Variants in TACC2 observed in about 807,000 individuals in gnomAD.
The protein encoded by TACC2 is transforming acidic coiled-coil-containing protein 2.
In TACC2, 137 loss-of-function variants were observed where a neutral mutation model predicts 227.3. The ratio of observed to expected loss-of-function variants is 0.60; its 90% CI spans 0.52 to 0.69. TACC2 has a LOEUF of 0.69. Among genes scored for constraint, TACC2 ranks in the 30% least tolerant of loss-of-function variants. The pLI is 0.00. For missense variants in TACC2, 3,470 were observed against 3,694.4 expected (o/e 0.94, Z 1.57); for synonymous variants, 1,523 against 1,487.5 (o/e 1.02, Z -0.55).
At chr10:122,212,323 G>C (rs2095311818) in intron 9 of TACC2, among the ~76,000 whole-genome samples, 1 of 152,204 alleles carries the variant, frequency 6.6e-6, no homozygotes, top group African/African-American at 2.4e-5. Context: ...GTTCTGAAGA[G>C]ATAAATGGAA....
In TACC2 at chr10:122,254,069, TGTTTTGGAC is replaced by T; in HGVS notation, c.*14_*22del. 6.2e-7 allele frequency: 1 copy of T among 1,613,172 alleles called. No homozygotes were observed. Among genetic ancestry groups the T allele is most frequent in the Non-Finnish European group, 8.5e-7 (1 of 1,179,048 alleles). ...GGGGAAAAGCTAACTCTGAACCGAA[TGTTTTGGAC>T]TTAACTGTTGCGTGCAATATGACCG... On this transcript the variant is annotated 3_prime_UTR_variant, in exon 23 of 23. Coordinates refer to ENST00000369005, the MANE Select transcript of TACC2 (RefSeq NM_206862.4).
rs763754108 is a variant in TACC2 at position 122,248,663 on chromosome 10, T to G, written c.8413T>G (p.Ser2805Ala). The G allele has an allele frequency of 1.2e-5, 19 of 1,613,322 alleles. No homozygotes were observed. In the South Asian group the frequency reaches 2.1e-4, roughly 18 times the overall value. Residue 2805 changes from serine (S) to alanine (A), a missense_variant, in exon 20 of 23, where the codon TCA becomes GCA. By Grantham distance (99) the Ser-to-Ala change is moderately conservative. Around this residue, in one of 10 missense-constraint regions of TACC2, gnomAD observed 65 missense variants for 119.3 expected, o/e 0.54. Transcript: ENST00000369005. ...GCCAGAGGACGAACAGAGAGAGAAG[T>G]CAGTCTCCCACCAGACGGTGCAGCA... ...QMIEDEQREK[S>A]VSHQTVQQLV...
At chr10:122,167,659 A>G (rs2093250135) in intron 7 of TACC2, among the ~76,000 whole-genome samples, 1 of 152,172 alleles carries the variant, frequency 6.6e-6, no homozygotes, top group African/African-American at 2.4e-5. Context: ...TGGGAGCTGT[A>G]GAGAAAATCC....
intron 2 of TACC2, among the ~76,000 whole-genome samples, chr10:122,034,619 G>GTATAGGGTT (rs1338621072): frequency 1.3e-5 from 2 of 152,158 alleles, no homozygotes; most frequent in Non-Finnish European, 2.9e-5. Flanking sequence ...GCCTTATACT[G>GTATAGGGTT]CAAGATGGCT....
intron 18 of TACC2, among the ~76,000 whole-genome samples, chr10:122,240,708 A>C (rs2095972482): frequency 6.6e-6 from 1 of 152,168 alleles, no homozygotes; most frequent in African/African-American, 2.4e-5. Context: ...CTGGATCTTC[A>C]ACAGTTATCC....
chr10:122,201,581 C>G (rs1268908411), intron 8 of TACC2, among the ~76,000 whole-genome samples: 1 of 152,242 alleles, frequency 6.6e-6, no homozygotes, highest in African/African-American at 2.4e-5. Context: ...TGGCAGGGCC[C>G]CAACCCTCTG....
At position 122,088,521 on chromosome 10, in the gene TACC2, A is replaced by G; in HGVS notation, c.5503A>G (p.Lys1835Glu). ...PGPSMLPSVP[K>E]KDAPRVMDKV... Reference sequence around the variant, plus strand: ...CCCATCCATGTTACCTTCGGTTCCTAAGAAGGATGCTCCAAGAGTCATGGA... The same window carrying G: ...CCCATCCATGTTACCTTCGGTTCCTGAGAAGGATGCTCCAAGAGTCATGGA... Residue 1835 changes from lysine to glutamate, a missense_variant, in exon 5 of 23, where the codon AAG becomes GAG. By Grantham distance (56) the Lys-to-Glu change is moderately conservative. Coordinates refer to ENST00000369005, the MANE Select transcript of TACC2 (RefSeq NM_206862.4). 6.2e-7 allele frequency: 1 copy of G among 1,613,836 alleles called. No individual in the cohort carries two copies. The highest frequency in any genetic ancestry group is 8.5e-7 in the Non-Finnish European group (1 of 1,179,892).
intron 1 of TACC2, among the ~76,000 whole-genome samples, chr10:122,014,522 G>T (rs1408222948): frequency 6.6e-6 from 1 of 152,052 alleles, no homozygotes; most frequent in Non-Finnish European, 1.5e-5. Context: ...AGACCTGTGT[G>T]ATCTTGTCTC....
intron 3 of TACC2, among the ~76,000 whole-genome samples, chr10:122,072,696 G>A (rs575168471): frequency 3.9e-5 from 6 of 152,328 alleles, no homozygotes; most frequent in Non-Finnish European, 8.8e-5. Context: ...GTCAACCTAC[G>A]TGAGCAGTTG....
chr10:122,043,287 C>G (rs750815910), intron 2 of TACC2, among the ~76,000 whole-genome samples: 5 of 152,206 alleles, frequency 3.3e-5, no homozygotes, highest in Non-Finnish European at 5.9e-5. Flanking sequence ...TTTGAGGTTC[C>G]TGAATCCTTT....
intron 7 of TACC2, among the ~76,000 whole-genome samples, chr10:122,187,783 T>C (rs184257072): frequency 6.4e-4 from 98 of 152,258 alleles, no homozygotes; most frequent in African/African-American, 2.1e-3. Flanking sequence ...TGAGCCGCGG[T>C]GCCCAGCCCT....
chr10:122,249,438 C>A, intron 21 of TACC2, 106 bp from the exon 22 acceptor site: 1 of 1,463,044 alleles, frequency 6.8e-7, no homozygotes, highest in Non-Finnish European at 9.3e-7. Context: ...CAGTTGGTGG[C>A]AGCTGGGGCC....
chr10:122,146,476 C>T (rs1194147852), intron 7 of TACC2, among the ~76,000 whole-genome samples: 1 of 151,918 alleles, frequency 6.6e-6, no homozygotes, highest in Non-Finnish European at 1.5e-5. Context: ...TGGGTTAATC[C>T]ATTCATGAAT....
chr10:122,098,386 T>C (rs2081724877), intron 5 of TACC2, among the ~76,000 whole-genome samples: 1 of 152,156 alleles, frequency 6.6e-6, no homozygotes, highest in Non-Finnish European at 1.5e-5. Context: ...GCTGCATACG[T>C]GTTTGCTACA....
At chr10:122,154,498 G>T (rs2092330984) in intron 7 of TACC2, among the ~76,000 whole-genome samples, 2 of 152,238 alleles carry the variant, frequency 1.3e-5, no homozygotes, top group African/African-American at 4.8e-5. Flanking sequence ...CAGGCTGTTA[G>T]GAAACCTTGT....
chr10:122,028,289 T>A (rs1958360435), intron 2 of TACC2, among the ~76,000 whole-genome samples: 1 of 151,232 alleles, frequency 6.6e-6, no homozygotes, highest in Non-Finnish European at 1.5e-5. Context: ...AGAGTTTCAC[T>A]ATGTTGGCCA....
intron 6 of TACC2, 93 bp downstream of exon 6, chr10:122,132,827 C>T: frequency 7.4e-7 from 1 of 1,345,874 alleles, no homozygotes. Context: ...CTCCCCTCCT[C>T]TCTTTTCTCC....
Position 122,050,776 on chromosome 10 carries a change from A to G in TACC2, c.146+226A>G, listed in dbSNP as rs2075584572. 1.9e-6 allele frequency: 1 copy of G among 527,986 alleles called. No homozygotes were observed. The highest frequency in any genetic ancestry group is 3.4e-6 in the Non-Finnish European group (1 of 297,528). 32.7% of individuals were successfully genotyped at this position (527,986 alleles called of 1,614,324 possible). ...TGATTGCCTGCCCAAAGATGAAATT[A>G]GTAATTATAGACTTCCATTCCAGCC... On this transcript the variant is annotated intron_variant, in intron 3 of 22. Coordinates refer to ENST00000369005, the MANE Select transcript of TACC2 (RefSeq NM_206862.4). This position sits in a 1 kb window ranked among gnomAD's most constrained non-coding sequence, Gnocchi z 4.6.
intron 5 of TACC2, among the ~76,000 whole-genome samples, chr10:122,130,820 T>C (rs1254022845): frequency 2.0e-5 from 3 of 152,170 alleles, no homozygotes; most frequent in Non-Finnish European, 2.9e-5. Flanking sequence ...TATACGCACT[T>C]AGAACAGTTC....
Sources: gnomAD v4.1 joint callset for allele counts (sites outside exome capture counted in the v4.1 genomes callset) on GRCh38, gnomAD v4.1.1 for gene constraint, gnomAD v4.1.1 regional missense constraint, Gnocchi (gnomAD v3.1) non-coding constraint, MANE v1.5 for transcripts, NCBI Gene and HGNC (gene_info 2026-07-23, HGNC 2026-07-21) for gene names.